GRM5: variants seen among roughly 807,000 people sequenced by gnomAD.
GRM5 encodes glutamate metabotropic receptor 5.
In GRM5, 19 loss-of-function variants were observed where a neutral mutation model predicts 83.1. That is an observed-to-expected ratio of 0.23 (90% CI 0.16 to 0.34). The LOEUF is 0.34. GRM5 is among the 10% of genes least tolerant of loss of function. GRM5 has a pLI of 1.00. For synonymous variants in GRM5, 675 were observed against 633.6 expected (o/e 1.07, Z -0.98); for missense variants, 1,160 against 1,588.3 (o/e 0.73, Z 4.58).
chr11:88,635,445 A>G lies in GRM5; in HGVS notation c.1147+17723T>C, dbSNP rs536128181. ...TAGCAGTGTTAAGCACTTTTCATATATCTGTTGGACATTTGTATATCTTCT... is the reference window on the plus strand; with the variant it reads ...TAGCAGTGTTAAGCACTTTTCATATGTCTGTTGGACATTTGTATATCTTCT... On this transcript the variant is annotated intron_variant, in intron 4 of 9. Transcript: ENST00000305447. Among the ~76,000 whole-genome samples, 9 of 152,200 alleles carry G rather than the reference A, an allele frequency of 5.9e-5. No homozygotes were observed. In the South Asian group the frequency reaches 1.9e-3, roughly 32 times the overall value.
At chr11:89,021,317 A>G (rs572970901) in intron 2 of GRM5, among the ~76,000 whole-genome samples, 2 of 152,306 alleles carry the variant, frequency 1.3e-5, no homozygotes, top group Admixed American at 1.3e-4. Flanking sequence ...CATCACCTGC[A>G]CAAGCCTCTT....
At chr11:88,676,376 A>G (rs1940329092) in intron 3 of GRM5, among the ~76,000 whole-genome samples, 1 of 152,022 alleles carries the variant, frequency 6.6e-6, no homozygotes, top group Admixed American at 6.6e-5. Flanking sequence ...TTTGAGATAC[A>G]ATGACAAGCT....
At chr11:88,993,183 G>A (rs1033186082) in intron 2 of GRM5, among the ~76,000 whole-genome samples, 48 of 149,970 alleles carry the variant, frequency 3.2e-4, no homozygotes, top group African/African-American at 8.3e-4. Flanking sequence ...GAAGAAGGGC[G>A]TGAGTCCAGG....
intron 9 of GRM5, among the ~76,000 whole-genome samples, chr11:88,524,254 G>A (rs1380104465): frequency 4.1e-5 from 4 of 96,544 alleles, no homozygotes; most frequent in African/African-American, 1.3e-4. Flanking sequence ...TTTCACTCTC[G>A]TTGCCCAGGT....
At chr11:89,060,097 C>T (rs1439840480) in intron 1 of GRM5, among the ~76,000 whole-genome samples, 1 of 152,030 alleles carries the variant, frequency 6.6e-6, no homozygotes, top group East Asian at 1.9e-4. Context: ...CTGGAAACCA[C>T]AGTAAAATAA....
intron 4 of GRM5, among the ~76,000 whole-genome samples, chr11:88,608,375 A>C (rs1405164001): frequency 6.6e-6 from 1 of 151,776 alleles, no homozygotes; most frequent in East Asian, 1.9e-4. Context: ...ACCTCCCCCC[A>C]CCAACACTCC....
At chr11:88,686,992 A>G (rs545762292) in intron 3 of GRM5, among the ~76,000 whole-genome samples, 1 of 152,206 alleles carries the variant, frequency 6.6e-6, no homozygotes, top group African/African-American at 2.4e-5. Context: ...ATTCAGGCTG[A>G]CTAGAAATGT....
intron 2 of GRM5, among the ~76,000 whole-genome samples, chr11:88,949,784 C>T (rs1314022631): frequency 6.6e-6 from 1 of 152,126 alleles, no homozygotes; most frequent in East Asian, 1.9e-4. Context: ...ATTCAATACC[C>T]ATACTATACA....
intron 2 of GRM5, among the ~76,000 whole-genome samples, chr11:89,040,159 G>C (rs148715223): frequency 0.011 from 1,602 of 152,116 alleles, 18 homozygotes; most frequent in African/African-American, 0.036. Context: ...AAGATGCAAG[G>C]AGTTGAAGTG....
chr11:88,883,832 T>C (rs1353769149), intron 2 of GRM5, among the ~76,000 whole-genome samples: 2 of 152,132 alleles, frequency 1.3e-5, no homozygotes, highest in African/African-American at 4.8e-5. Context: ...CCTTGGCAAC[T>C]TACACATGGT....
At chr11:88,635,042 A>C (rs938244829) in intron 4 of GRM5, among the ~76,000 whole-genome samples, 1 of 152,078 alleles carries the variant, frequency 6.6e-6, no homozygotes, top group African/African-American at 2.4e-5. Context: ...TGGATATAAA[A>C]ATTTTTCAGT....
chr11:88,629,231 T>G (rs912452811), intron 4 of GRM5, among the ~76,000 whole-genome samples: 1 of 152,160 alleles, frequency 6.6e-6, no homozygotes, highest in African/African-American at 2.4e-5. Flanking sequence ...AACATAAAAT[T>G]CCTTCAAATA....
chr11:88,765,232 C>T (rs976545547), intron 3 of GRM5, among the ~76,000 whole-genome samples: 1 of 150,558 alleles, frequency 6.6e-6, no homozygotes, highest in East Asian at 1.9e-4. Context: ...AAAAGAAAAA[C>T]CCTGGGAATC....
intron 8 of GRM5, among the ~76,000 whole-genome samples, chr11:88,554,187 C>T (rs1425103091): frequency 6.6e-6 from 1 of 152,050 alleles, no homozygotes; most frequent in Non-Finnish European, 1.5e-5. Context: ...TATTTTTCGG[C>T]TTCTAGAGGC....
At chr11:88,824,005 G>A (rs1943848815) in intron 3 of GRM5, among the ~76,000 whole-genome samples, 1 of 152,136 alleles carries the variant, frequency 6.6e-6, no homozygotes, top group Non-Finnish European at 1.5e-5. Flanking sequence ...CGAGCTTTTG[G>A]AAGGTTCTAT....
intron 3 of GRM5, among the ~76,000 whole-genome samples, chr11:88,762,358 T>C (rs1942539503): frequency 1.3e-5 from 2 of 151,918 alleles, no homozygotes; most frequent in African/African-American, 4.8e-5. Flanking sequence ...AACAACCCCA[T>C]TAAAATGTGG....
intron 4 of GRM5, among the ~76,000 whole-genome samples, chr11:88,651,681 C>T (rs1476073779): frequency 6.6e-6 from 1 of 152,010 alleles, no homozygotes; most frequent in Non-Finnish European, 1.5e-5. Context: ...GTCAGAGTTA[C>T]AAGGATCTGA....
chr11:89,035,260 A>C (rs1266872747), intron 2 of GRM5, among the ~76,000 whole-genome samples: 2 of 151,922 alleles, frequency 1.3e-5, no homozygotes, highest in Non-Finnish European at 3.0e-5. Flanking sequence ...CATGTGCACT[A>C]ATTCCATAAA....
At chr11:88,878,344 G>C (rs1186901085) in intron 2 of GRM5, among the ~76,000 whole-genome samples, 1 of 152,058 alleles carries the variant, frequency 6.6e-6, no homozygotes, top group Non-Finnish European at 1.5e-5. Context: ...TATTCACATA[G>C]AGAGGAAACA....
Sources: allele counts gnomAD v4.1 joint callset (sites outside exome capture counted in the v4.1 genomes callset), GRCh38; gene constraint gnomAD v4.1.1; transcripts MANE v1.5; gene names NCBI Gene and HGNC (gene_info 2026-07-23, HGNC 2026-07-21).